The following ANAPC11 variants were observed in gnomAD, a reference collection of about 807,000 sequenced individuals.
The protein encoded by ANAPC11 is anaphase-promoting complex subunit 11.
Under a neutral mutation model 11.8 loss-of-function variants are expected in ANAPC11, and 5 were observed. The observed-to-expected ratio is 0.42, with a 90% CI of 0.22 to 0.89. ANAPC11 has a LOEUF of 0.89. ANAPC11 is among the 40% of genes least tolerant of loss of function. The pLI is 0.28. For synonymous variants in ANAPC11, 45 were observed against 41.0 expected, an observed-to-expected ratio of 1.10 and a Z score of -0.38; for missense variants, 68 against 112.9, an observed-to-expected ratio of 0.60 and a Z score of 1.80.
chr17:81,895,817 A>T (rs1035292616), intron 3 of ANAPC11, among the ~76,000 whole-genome samples: 1 of 152,154 alleles, frequency 6.6e-6, no homozygotes, highest in Non-Finnish European at 1.5e-5. Context: ...AAAATACAAA[A>T]ATTAGCTGGG....
rs546129139 is a variant in ANAPC11, at chr17:81,899,164, G to A, written c.110-756G>A. On this transcript the variant is annotated intron_variant, in intron 3 of 3. Coordinates refer to ENST00000344877, the MANE Select transcript of ANAPC11 (RefSeq NM_001002248.3). ...TCTGTTGGCAGCAGCTGTTCCTCAG[G>A]GGTTTCCAGGCTCTTGGAGATCAGG... is the stretch of plus-strand genomic sequence containing the variant. The A allele has an allele frequency of 1.6e-3, 2,246 of 1,438,364 alleles. 5 individuals are homozygous for A. Among genetic ancestry groups the A allele is most frequent in the Admixed American group, 6.1e-3 (315 of 51,442 alleles). 89.1% of individuals were successfully genotyped at this position (1,438,364 alleles called of 1,614,324 possible).
At chr17:81,891,130 G>T, upstream of ANAPC11, 1 of 609,798 alleles carries the variant, frequency 1.6e-6, no homozygotes, top group Non-Finnish European at 2.5e-6. Flanking sequence ...CAGCCTCCGG[G>T]ACCGGACCCC....
Position 81,896,686 on chromosome 17 carries a change from AT to A in ANAPC11, c.109+2102del, listed in dbSNP as rs537215866. ...TAGGGCCAGGTGCATGCCCATATTG[AT>A]TGACAGGGTCTCACTGTGTTGCCCA... On this transcript the variant is annotated intron_variant, in intron 3 of 3. Coordinates refer to ENST00000344877, the MANE Select transcript of ANAPC11 (RefSeq NM_001002248.3). 1.1e-4 allele frequency among the ~76,000 whole-genome samples: 17 copies of A among 148,510 alleles called. No homozygotes were observed. The South Asian group carries it at 2.4e-3, about 21-fold the overall frequency.
rs151096381 is a variant in ANAPC11, at chr17:81,899,311, G to C, written c.110-609G>C. 9.0e-5 allele frequency: 146 copies of C among 1,613,446 alleles called. No individual in the cohort carries two copies. The African/African-American group carries it at 1.9e-3, about 21-fold the overall frequency. On this transcript the variant is annotated intron_variant, in intron 3 of 3. Coordinates refer to ENST00000344877, the MANE Select transcript of ANAPC11 (RefSeq NM_001002248.3). ...CCGCAGCCTGTGCCTGTCCTGGGAGGCAGGGCCCATCCACAGGTGCCCATC... is the reference window on the plus strand; with the variant it reads ...CCGCAGCCTGTGCCTGTCCTGGGAGCCAGGGCCCATCCACAGGTGCCCATC...
At position 81,891,785 on chromosome 17, in the gene ANAPC11, G is replaced by GC. The variant is rs1567864843; in HGVS notation, c.-131_-130insC. 1 of 291,200 alleles carries GC rather than the reference G, an allele frequency of 3.4e-6. No individual in the cohort carries two copies. Among genetic ancestry groups the GC allele is most frequent in the East Asian group, 8.1e-5 (1 of 12,404 alleles). 18.0% of individuals were successfully genotyped at this position (291,200 alleles called of 1,614,324 possible). On this transcript the variant is annotated 5_prime_UTR_variant, in exon 1 of 4. Transcript: ENST00000344877. Reference sequence around the variant, plus strand: ...AGGGAGTCGGGCCGCGACTGTGGTCGTTTTTATACCTTCCCGCGCGGACGC... The same window carrying GC: ...AGGGAGTCGGGCCGCGACTGTGGTCGCTTTTTATACCTTCCCGCGCGGACGC...
intron 3 of ANAPC11, among the ~76,000 whole-genome samples, chr17:81,895,350 C>G (rs1336334200): frequency 6.6e-6 from 1 of 152,156 alleles, no homozygotes; most frequent in Non-Finnish European, 1.5e-5. Context: ...CGTGCCCCCC[C>G]CAACATTTTC....
chr17:81,899,679 C>T (rs1442626023), intron 3 of ANAPC11: 19 of 1,121,718 alleles, frequency 1.7e-5, no homozygotes, highest in Non-Finnish European at 2.1e-5. Flanking sequence ...GCGCCTGCTG[C>T]GGTTGCCCCG....
At chr17:81,898,977 G>A in intron 3 of ANAPC11, 4 of 562,940 alleles carry the variant, frequency 7.1e-6, no homozygotes, top group Non-Finnish European at 1.3e-5. Flanking sequence ...ATATCAAGCA[G>A]AGTTGTGCTG....
At chr17:81,900,409 G>A (rs1227821367), downstream of ANAPC11, 8 of 355,970 alleles carry the variant, frequency 2.2e-5, no homozygotes, top group African/African-American at 4.4e-5. Flanking sequence ...AGGATCAGAC[G>A]GTAGAGCCTG....
chr17:81,891,530 G>A, upstream of ANAPC11: 13 of 1,429,882 alleles, frequency 9.1e-6, no homozygotes, highest in Non-Finnish European at 1.2e-5. Flanking sequence ...TAATGATGTC[G>A]TCCAGAGACA....
At chr17:81,894,432 C>T in intron 2 of ANAPC11, 35 bp from the exon 3 acceptor site, 1 of 1,337,006 alleles carries the variant, frequency 7.5e-7, no homozygotes, top group Non-Finnish European at 1.1e-6. Context: ...TCTGCAGACT[C>T]AATTTAGCCA....
intron 3 of ANAPC11, 129 bp downstream of exon 3, chr17:81,894,715 CTTTTTTTTTTT>C (rs529200093): frequency 1.9e-5 from 7 of 361,978 alleles, no homozygotes; most frequent in South Asian, 8.7e-5. Context: ...GTTTCATTTT[CTTTTTTTTTTT>C]TTTTTTTTGA....
At chr17:81,891,712 C>G, upstream of ANAPC11, 1 of 823,980 alleles carries the variant, frequency 1.2e-6, no homozygotes, top group Non-Finnish European at 1.6e-6. Context: ...CGGGGTGAGG[C>G]GGGGAGGCGC....
chr17:81,891,312 T>G, upstream of ANAPC11: 2 of 1,145,914 alleles, frequency 1.7e-6, no homozygotes, highest in Non-Finnish European at 2.1e-6. Context: ...GCGGCCGGCC[T>G]CCGCACTCAC....
At chr17:81,890,924 T>C, upstream of ANAPC11, 2 of 1,535,960 alleles carry the variant, frequency 1.3e-6, no homozygotes, top group South Asian at 1.2e-5. Flanking sequence ...CCTGAGAGGA[T>C]CCGGCCGAAA....
intron 3 of ANAPC11, 74 bp from the exon 4 acceptor site, chr17:81,899,846 C>A: frequency 6.8e-7 from 1 of 1,479,174 alleles, no homozygotes; most frequent in Non-Finnish European, 9.2e-7. Flanking sequence ...CCTACCTGCA[C>A]CCCTGCCTGG....
chr17:81,891,465 G>A (rs951444306), upstream of ANAPC11: 23 of 1,106,632 alleles, frequency 2.1e-5, no homozygotes, highest in African/African-American at 3.2e-4. Context: ...CTGGGAGCCG[G>A]CCCGGCCGCG....
chr17:81,890,951 C>G, upstream of ANAPC11: 4 of 1,379,550 alleles, frequency 2.9e-6, no homozygotes, highest in Non-Finnish European at 3.9e-6. Flanking sequence ...CGCCAGCGCT[C>G]CCTCCGGCGC....
At chr17:81,892,294 G>A (rs1456681416) in intron 1 of ANAPC11, among the ~76,000 whole-genome samples, 1 of 151,582 alleles carries the variant, frequency 6.6e-6, no homozygotes, top group Non-Finnish European at 1.5e-5. Flanking sequence ...GCAACATCGT[G>A]AGACCCCCAT....
Sources: gnomAD v4.1 joint callset for allele counts (sites outside exome capture counted in the v4.1 genomes callset) on GRCh38, gnomAD v4.1.1 for gene constraint, MANE v1.5 for transcripts, NCBI Gene and HGNC (gene_info 2026-07-23, HGNC 2026-07-21) for gene names.